Variants in PITPNM2 observed in about 807,000 individuals in gnomAD.
The protein encoded by PITPNM2 is membrane-associated phosphatidylinositol transfer protein 2.
In PITPNM2, 35 loss-of-function variants were observed where a neutral mutation model predicts 132.2. That is an observed-to-expected ratio of 0.26 (90% confidence interval 0.20 to 0.35). The LOEUF is 0.35. Among genes scored for constraint, PITPNM2 ranks in the 10% least tolerant of loss-of-function variants. The pLI is 1.00. For missense variants in PITPNM2, 1,332 were observed against 1,912.0 expected (o/e 0.70, Z 5.66); for synonymous variants, 738 against 799.2 (o/e 0.92, Z 1.29).
chr12:123,129,018 A>C (rs1790120), intron 1 of PITPNM2, among the ~76,000 whole-genome samples: 126,759 of 152,118 alleles, frequency 0.83, 53,166 homozygotes, highest in African/African-American at 0.92. Context: ...ACCTGTAATT[A>C]CAGCTACTCA....
At chr12:123,138,529 G>C (rs2043431968) in intron 1 of PITPNM2, among the ~76,000 whole-genome samples, 1 of 152,164 alleles carries the variant, frequency 6.6e-6, no homozygotes, top group Admixed American at 6.5e-5. Flanking sequence ...GATACAACAT[G>C]GTTGAACCTT....
intron 2 of PITPNM2, among the ~76,000 whole-genome samples, chr12:123,066,420 C>T (rs933470148): frequency 5.3e-5 from 8 of 152,282 alleles, no homozygotes; most frequent in African/African-American, 1.9e-4. Context: ...ACTCATGAGC[C>T]AGCCAGGAGC....
rs1257753608 is a variant in PITPNM2, at chr12:123,036,439, T to C, written c.-95-1754A>G. ...AATTCTCACATCCATCCTGGCATTA[T>C]GGGATGCCAAGGCAGGTGGACTGCT... On this transcript the variant is annotated intron_variant, in intron 2 of 25. Transcript: ENST00000320201. The surrounding 1 kb of genome is among the most constrained non-coding windows in gnomAD (Gnocchi z 4.1). Among the ~76,000 whole-genome samples, 2 of 152,182 alleles carry C rather than the reference T, an allele frequency of 1.3e-5. No individual in the cohort carries two copies. Among genetic ancestry groups the C allele is most frequent in the African/African-American group, 2.4e-5 (1 of 41,434 alleles).
At chr12:123,102,401 T>C (rs1383525332) in intron 2 of PITPNM2, among the ~76,000 whole-genome samples, 1 of 152,234 alleles carries the variant, frequency 6.6e-6, no homozygotes, top group Non-Finnish European at 1.5e-5. Flanking sequence ...GGGCAGCCCA[T>C]ACACCAATCA....
intron 14 of PITPNM2, 94 bp downstream of exon 14, chr12:122,995,295 C>G (rs2038375470): frequency 1.3e-6 from 2 of 1,484,288 alleles, no homozygotes; most frequent in Non-Finnish European, 1.8e-6. Flanking sequence ...GCAGACAGCC[C>G]GGGTCTCCTG....
intron 5 of PITPNM2, 111 bp from the exon 6 acceptor site, chr12:123,010,188 C>A: frequency 4.7e-6 from 4 of 857,180 alleles, no homozygotes; most frequent in Non-Finnish European, 7.3e-6. Flanking sequence ...CCTTGCCCTG[C>A]CAGAGGGACC....
intron 1 of PITPNM2, among the ~76,000 whole-genome samples, chr12:123,135,440 A>C (rs558501387): frequency 1.3e-4 from 20 of 152,278 alleles, no homozygotes; most frequent in African/African-American, 4.8e-4. Context: ...CTATAAGTAC[A>C]ATGTTGTATA....
intron 3 of PITPNM2, among the ~76,000 whole-genome samples, chr12:123,021,029 C>CAA (rs910751492): frequency 0.012 from 301 of 25,244 alleles, 7 homozygotes; most frequent in Non-Finnish European, 0.02. Flanking sequence ...AATTCCATCT[C>CAA]AAAAAAAAAA....
At chr12:123,057,001 A>T (rs1464153508) in intron 2 of PITPNM2, among the ~76,000 whole-genome samples, 1 of 152,162 alleles carries the variant, frequency 6.6e-6, no homozygotes, top group East Asian at 1.9e-4. Flanking sequence ...TCGGATCCCA[A>T]ATGTGAAAGA....
intron 2 of PITPNM2, among the ~76,000 whole-genome samples, chr12:123,073,039 C>G (rs2041662223): frequency 6.6e-6 from 1 of 152,224 alleles, no homozygotes; most frequent in African/African-American, 2.4e-5. Context: ...CCAGAGCTCC[C>G]TATCCCCTTC....
chr12:123,023,734 G>C lies in PITPNM2; in HGVS notation c.79-9692C>G, dbSNP rs1196970876. ...TGAACTTGAACTGGCAATCGTTTTG[G>C]AGCCATGACACCAAAAGCACAAGCA... On this transcript the variant is annotated intron_variant, in intron 3 of 25. Transcript: ENST00000320201. This position sits in a 1 kb window ranked among gnomAD's most constrained non-coding sequence, Gnocchi z 4.8. Among the ~76,000 whole-genome samples the C allele has an allele frequency of 6.6e-6, 1 of 152,112 alleles. No homozygotes were observed. The highest frequency in any genetic ancestry group is 2.4e-5 in the African/African-American group (1 of 41,392).
At chr12:123,039,347 G>A (rs1024287318) in intron 2 of PITPNM2, among the ~76,000 whole-genome samples, 1 of 152,106 alleles carries the variant, frequency 6.6e-6, no homozygotes, top group Non-Finnish European at 1.5e-5. Flanking sequence ...GTCAAAATGA[G>A]GTAATAAATG....
At chr12:123,127,686 G>C (rs986129416) in intron 1 of PITPNM2, among the ~76,000 whole-genome samples, 5 of 148,278 alleles carry the variant, frequency 3.4e-5, no homozygotes, top group African/African-American at 7.5e-5. Flanking sequence ...CTCGGCTCAC[G>C]GCAACCTCTG....
At chr12:123,143,140 C>T (rs1201630694) in intron 1 of PITPNM2, among the ~76,000 whole-genome samples, 14 of 143,810 alleles carry the variant, frequency 9.7e-5, no homozygotes, top group African/African-American at 3.0e-4. Context: ...CTCCCTCGAT[C>T]CCTCCCTCCA....
chr12:123,099,812 T>C lies in PITPNM2; in HGVS notation c.-96+10573A>G, dbSNP rs1345474406. Reference sequence around the variant, plus strand: ...AAGCCCCTCCAGCTGAGGAGAGAGATGCACAGATGTGCCAGGCACTGACAG... The same window carrying C: ...AAGCCCCTCCAGCTGAGGAGAGAGACGCACAGATGTGCCAGGCACTGACAG... On this transcript the variant is annotated intron_variant, in intron 2 of 25. Coordinates refer to ENST00000320201, the MANE Select transcript of PITPNM2 (RefSeq NM_020845.3). This position sits in a 1 kb window ranked among gnomAD's most constrained non-coding sequence, Gnocchi z 4.2. 6.6e-6 allele frequency among the ~76,000 whole-genome samples: 1 copy of C among 152,084 alleles called. No individual in the cohort carries two copies. Among genetic ancestry groups the C allele is most frequent in the Non-Finnish European group, 1.5e-5 (1 of 68,014 alleles).
At chr12:123,006,694 CAG>C (rs1339504337) in intron 6 of PITPNM2, among the ~76,000 whole-genome samples, 1 of 149,252 alleles carries the variant, frequency 6.7e-6, no homozygotes, top group Non-Finnish European at 1.5e-5. Flanking sequence ...GCCTGGGTGA[CAG>C]AGTAAGACCC....
chr12:122,991,992 G>T, intron 16 of PITPNM2: 1 of 1,174,978 alleles, frequency 8.5e-7, no homozygotes, highest in East Asian at 3.0e-5. Flanking sequence ...GGCTCCTCGA[G>T]GACCAGGACG....
At chr12:123,054,602 G>A (rs890787716) in intron 2 of PITPNM2, among the ~76,000 whole-genome samples, 1 of 152,292 alleles carries the variant, frequency 6.6e-6, no homozygotes, top group South Asian at 2.1e-4. Context: ...GTCCTTCCAC[G>A]GATGGTGAAC....
rs184523017 is a variant in PITPNM2 at position 123,097,758 on chromosome 12, G to C, written c.-96+12627C>G. Among the ~76,000 whole-genome samples the C allele has an allele frequency of 3.0e-3, 455 of 152,328 alleles. No homozygotes were observed. Among genetic ancestry groups the C allele is most frequent in the Middle Eastern group, 0.014 (4 of 294 alleles). On this transcript the variant is annotated intron_variant, in intron 2 of 25. Transcript: ENST00000320201. The surrounding 1 kb of genome is among the most constrained non-coding windows in gnomAD (Gnocchi z 4.7). Reference sequence around the variant, plus strand: ...TGGGATAATGGCAAGGCCAGAAATAGCCTTGAAGACATTCACGTGAAGATG... The same window carrying C: ...TGGGATAATGGCAAGGCCAGAAATACCCTTGAAGACATTCACGTGAAGATG...
Sources: allele counts gnomAD v4.1 joint callset (sites outside exome capture counted in the v4.1 genomes callset), GRCh38; gene constraint gnomAD v4.1.1; non-coding constraint Gnocchi (gnomAD v3.1); transcripts MANE v1.5; gene names NCBI Gene and HGNC (gene_info 2026-07-23, HGNC 2026-07-21).